PPARA: variants seen among roughly 807,000 people sequenced by gnomAD.
PPARA encodes the protein peroxisome proliferator-activated receptor alpha.
A neutral mutation model predicts 42.2 loss-of-function variants in PPARA; 22 were observed. The ratio of observed to expected loss-of-function variants is 0.52; its 90% CI spans 0.37 to 0.74. PPARA has a LOEUF of 0.74. Ranked by LOEUF, PPARA falls within the 30% of genes least tolerant of loss-of-function variation. The pLI, the probability that PPARA is intolerant of heterozygous loss-of-function variation, is 0.00. For missense variants in PPARA, 465 were observed against 608.2 expected (o/e 0.76, Z 2.48); for synonymous variants, 242 against 239.3 (o/e 1.01, Z -0.10).
intron 2 of PPARA, among the ~76,000 whole-genome samples, chr22:46,174,266 G>GAAGGAAGGAAGGAAGA (rs1555935220): frequency 3.1e-5 from 2 of 64,700 alleles, no homozygotes; most frequent in Admixed American, 2.1e-4. Flanking sequence ...AGGAAGGAAG[G>GAAGGAAGGAAGGAAGA]AAGGAAGGAA....
chr22:46,180,673 G>A lies in PPARA; in HGVS notation c.-43+3837G>A, dbSNP rs1377465322. On this transcript the variant is annotated intron_variant, in intron 3 of 8. Coordinates refer to ENST00000407236, the MANE Select transcript of PPARA (RefSeq NM_005036.6). The surrounding 1 kb of genome is among the most constrained non-coding windows in gnomAD (Gnocchi z 4.2). ...TTTCCTGCCTCAAGATGCGTAAAAG[G>A]TACTTGCCTTCTTTGTTTGGTGCTC... 2.0e-5 allele frequency among the ~76,000 whole-genome samples: 3 copies of A among 152,258 alleles called. No individual in the cohort carries two copies. In the East Asian group the frequency reaches 5.8e-4, roughly 29 times the overall value.
Position 46,219,343 on chromosome 22 carries a change from C to T in PPARA, c.509-469C>T, listed in dbSNP as rs1196006319. On this transcript the variant is annotated intron_variant, in intron 6 of 8. Coordinates refer to ENST00000407236, the MANE Select transcript of PPARA (RefSeq NM_005036.6). This position sits in a 1 kb window ranked among gnomAD's most constrained non-coding sequence, Gnocchi z 4.8. ...AGGGTGTACCACCTCAAACATCTCACCACGTTATGAATTTCCTTCTAGCCA... is the reference window on the plus strand; with the variant it reads ...AGGGTGTACCACCTCAAACATCTCATCACGTTATGAATTTCCTTCTAGCCA... Among the ~76,000 whole-genome samples the T allele has an allele frequency of 6.6e-6, 1 of 152,166 alleles. No individual in the cohort carries two copies. Among genetic ancestry groups the T allele is most frequent in the Non-Finnish European group, 1.5e-5 (1 of 68,028 alleles).
chr22:46,174,219 G>A (rs557068875), intron 2 of PPARA, among the ~76,000 whole-genome samples: 37 of 9,186 alleles, frequency 4.0e-3, no homozygotes, highest in East Asian at 0.018. Flanking sequence ...AGAGAGAGAG[G>A]GAGAAAGAAA....
In PPARA at chr22:46,171,893, T is replaced by G. The variant is rs891153210; in HGVS notation, c.-126-4860T>G. On this transcript the variant is annotated intron_variant, in intron 2 of 8. Coordinates refer to ENST00000407236, the MANE Select transcript of PPARA (RefSeq NM_005036.6). This position sits in a 1 kb window ranked among gnomAD's most constrained non-coding sequence, Gnocchi z 5.0. ...CTGATCTAGCTGCTAAAAAGCCCCC[T>G]TGGGCAGCTTGCAGGGCCCGGGCAG... is the stretch of plus-strand genomic sequence containing the variant. 1.3e-5 allele frequency among the ~76,000 whole-genome samples: 2 copies of G among 152,096 alleles called. No homozygotes were observed. Among genetic ancestry groups the G allele is most frequent in the South Asian group, 4.1e-4 (2 of 4,826 alleles).
rs139836764 is a variant in PPARA, at chr22:46,213,248, T to G, written c.209-1925T>G. ...TCAGTTTTGTGGATTTTAGTCATCC[T>G]AGTAGGTGTGTGGTGACACCACATT... On this transcript the variant is annotated intron_variant, in intron 4 of 8. Coordinates refer to ENST00000407236, the MANE Select transcript of PPARA (RefSeq NM_005036.6). Among the ~76,000 whole-genome samples, 136 of 152,290 alleles carry G rather than the reference T, an allele frequency of 8.9e-4. 2 individuals are homozygous for G. Among genetic ancestry groups the G allele is most frequent in the African/African-American group, 3.2e-3 (134 of 41,566 alleles).
At chr22:46,194,524 C>T (rs2147350487) in intron 3 of PPARA, among the ~76,000 whole-genome samples, 1 of 151,414 alleles carries the variant, frequency 6.6e-6, no homozygotes, top group Middle Eastern at 3.4e-3. Flanking sequence ...GAGGTGGCCA[C>T]AGCCCATCCA....
Position 46,162,219 on chromosome 22 carries a change from G to A in PPARA, c.-127+10249G>A, listed in dbSNP as rs1238941527. ...TTTCTCTGGATTGCTGCACCTGGCAGGTAGTGTGAGCTTGGTAGGTGCTTC... is the reference window on the plus strand; with the variant it reads ...TTTCTCTGGATTGCTGCACCTGGCAAGTAGTGTGAGCTTGGTAGGTGCTTC... On this transcript the variant is annotated intron_variant, in intron 2 of 8. Transcript: ENST00000407236. This position sits in a 1 kb window ranked among gnomAD's most constrained non-coding sequence, Gnocchi z 6.0. Among the ~76,000 whole-genome samples, 1 of 152,184 alleles carries A rather than the reference G, an allele frequency of 6.6e-6. No homozygotes were observed. The highest frequency in any genetic ancestry group is 1.5e-5 in the Non-Finnish European group (1 of 68,028).
At position 46,219,223 on chromosome 22, in the gene PPARA, C is replaced by T. The variant is rs1416173394; in HGVS notation, c.509-589C>T. 2.0e-5 allele frequency among the ~76,000 whole-genome samples: 3 copies of T among 152,092 alleles called. No homozygotes were observed. Among genetic ancestry groups the T allele is most frequent in the South Asian group, 4.1e-4 (2 of 4,826 alleles). The stretch of plus-strand genomic sequence containing the variant: ...CTGAGATTCAGTGGTGCATTGGACT[C>T]GCTGTTAGAAACTTCAGTGGTAAGA... On this transcript the variant is annotated intron_variant, in intron 6 of 8. Coordinates refer to ENST00000407236, the MANE Select transcript of PPARA (RefSeq NM_005036.6). This position sits in a 1 kb window ranked among gnomAD's most constrained non-coding sequence, Gnocchi z 4.8.
Position 46,198,589 on chromosome 22 carries a change from C to A in PPARA, c.206C>A (p.Thr69Lys). 6.2e-7 allele frequency: 1 copy of A among 1,611,522 alleles called. No homozygotes were observed. Among genetic ancestry groups the A allele is most frequent in the Non-Finnish European group, 8.5e-7 (1 of 1,178,634 alleles). Residue 69 changes from threonine to lysine, a missense_variant and splice_region_variant, in exon 4 of 9, where the codon ACG becomes AAG. By Grantham distance (78) the Thr-to-Lys change is moderately conservative. Coordinates refer to ENST00000407236, the MANE Select transcript of PPARA (RefSeq NM_005036.6). ...CCTGGCTCAGATGGCTCGGTCATCA[C>A]GGGTAAGTGTGCCGTTTCCTAGAAA... ...SCPGSDGSVI[T>K]DTLSPASSPS...
At chr22:46,226,123 CCA>C (rs1214523060) in intron 7 of PPARA, among the ~76,000 whole-genome samples, 4 of 151,572 alleles carry the variant, frequency 2.6e-5, no homozygotes, top group African/African-American at 9.7e-5. Flanking sequence ...ACACATGTAC[CCA>C]CACACGTACC....
rs1931482086 is a variant in PPARA, at chr22:46,191,126, T to C, written c.-42-7216T>C. Among the ~76,000 whole-genome samples, 1 of 151,850 alleles carries C rather than the reference T, an allele frequency of 6.6e-6. No homozygotes were observed. Among genetic ancestry groups the C allele is most frequent in the South Asian group, 2.1e-4 (1 of 4,810 alleles). ...GAGAATCGCTTGAACCCGGGAGGCG[T>C]GGGGTTGCAGTGAGCCGAGATTGCA... On this transcript the variant is annotated intron_variant, in intron 3 of 8. Coordinates refer to ENST00000407236, the MANE Select transcript of PPARA (RefSeq NM_005036.6). The surrounding 1 kb of genome is among the most constrained non-coding windows in gnomAD (Gnocchi z 4.6).
intron 4 of PPARA, among the ~76,000 whole-genome samples, chr22:46,202,115 T>C (rs553215847): frequency 1.3e-5 from 2 of 152,136 alleles, no homozygotes; most frequent in East Asian, 3.9e-4. Context: ...CTCTGGAAAG[T>C]TCTTTCCTGG....
rs1042240043 is a variant in PPARA at position 46,203,826 on chromosome 22, G to A, written c.208+5235G>A. Among the ~76,000 whole-genome samples the A allele has an allele frequency of 1.3e-5, 2 of 152,178 alleles. No homozygotes were observed. The highest frequency in any genetic ancestry group is 2.9e-5 in the Non-Finnish European group (2 of 68,026). ...TCCCCGTCCCTTGCGGGCCTGTCCA[G>A]ACAAGGGAACCCTGGGCAGGTTCCC... On this transcript the variant is annotated intron_variant, in intron 4 of 8. Coordinates refer to ENST00000407236, the MANE Select transcript of PPARA (RefSeq NM_005036.6). The surrounding 1 kb of genome is among the most constrained non-coding windows in gnomAD (Gnocchi z 5.8).
chr22:46,183,528 G>T lies in PPARA; in HGVS notation c.-43+6692G>T, dbSNP rs559369455. Among the ~76,000 whole-genome samples the T allele has an allele frequency of 7.4e-4, 113 of 152,358 alleles. 2 individuals carry two copies. The Middle Eastern group carries it at 0.027, about 37-fold the overall frequency. On this transcript the variant is annotated intron_variant, in intron 3 of 8. Coordinates refer to ENST00000407236, the MANE Select transcript of PPARA (RefSeq NM_005036.6). The surrounding 1 kb of genome is among the most constrained non-coding windows in gnomAD (Gnocchi z 5.5). ...GGGCCCAGGAGGGCAGATCACTTGA[G>T]TTCAGGAGTTTGAGACCAGCCTGGG...
chr22:46,221,466 G>T lies in PPARA; in HGVS notation c.711+1452G>T, dbSNP rs145526536. Among the ~76,000 whole-genome samples, 1 of 152,054 alleles carries T rather than the reference G, an allele frequency of 6.6e-6. No homozygotes were observed. The highest frequency in any genetic ancestry group is 1.5e-5 in the Non-Finnish European group (1 of 68,020). On this transcript the variant is annotated intron_variant, in intron 7 of 8. Coordinates refer to ENST00000407236, the MANE Select transcript of PPARA (RefSeq NM_005036.6). The surrounding 1 kb of genome is among the most constrained non-coding windows in gnomAD (Gnocchi z 5.9). ...ACAAACATGCCTACATTCTTTTTCCGCCTTCAGTGAAAAGACAGTGACATC... is the reference window on the plus strand; with the variant it reads ...ACAAACATGCCTACATTCTTTTTCCTCCTTCAGTGAAAAGACAGTGACATC...
rs779240325 is a variant in PPARA, at chr22:46,211,339, G to A, written c.209-3834G>A. On this transcript the variant is annotated intron_variant, in intron 4 of 8. Transcript: ENST00000407236. This position sits in a 1 kb window ranked among gnomAD's most constrained non-coding sequence, Gnocchi z 4.1. Reference sequence around the variant, plus strand: ...TCATTTTCAGTATACCTGCACAGTGGTATCAGAACTGTTAACCCACACCCT... The same window carrying A: ...TCATTTTCAGTATACCTGCACAGTGATATCAGAACTGTTAACCCACACCCT... Among the ~76,000 whole-genome samples the A allele has an allele frequency of 1.3e-5, 2 of 152,110 alleles. No homozygotes were observed. The highest frequency in any genetic ancestry group is 2.9e-5 in the Non-Finnish European group (2 of 68,014).
intron 1 of PPARA, among the ~76,000 whole-genome samples, chr22:46,151,415 TGC>T: frequency 6.6e-6 from 1 of 152,240 alleles, no homozygotes; most frequent in African/African-American, 2.4e-5. Context: ...GCCCGCGTGG[TGC>T]GGGTGAAGCT....
Position 46,161,425 on chromosome 22 carries a change from T to C in PPARA, c.-127+9455T>C. On this transcript the variant is annotated intron_variant, in intron 2 of 8. Coordinates refer to ENST00000407236, the MANE Select transcript of PPARA (RefSeq NM_005036.6). This position sits in a 1 kb window ranked among gnomAD's most constrained non-coding sequence, Gnocchi z 4.8. ...GGCCAACATGGTGAAACCCCGTCTCTACTAAAAATACAAAATTTAGCTGGG... is the reference window on the plus strand; with the variant it reads ...GGCCAACATGGTGAAACCCCGTCTCCACTAAAAATACAAAATTTAGCTGGG... 6.6e-6 allele frequency among the ~76,000 whole-genome samples: 1 copy of C among 152,026 alleles called. No homozygotes were observed. Among genetic ancestry groups the C allele is most frequent in the Non-Finnish European group, 1.5e-5 (1 of 67,996 alleles).
chr22:46,194,854 G>T (rs911739929), intron 3 of PPARA, among the ~76,000 whole-genome samples: 2 of 148,302 alleles, frequency 1.3e-5, no homozygotes, highest in African/African-American at 5.0e-5. Flanking sequence ...GATTACAGGT[G>T]CGAGCCACCA....
Sources: allele counts gnomAD v4.1 joint callset (sites outside exome capture counted in the v4.1 genomes callset), GRCh38; gene constraint gnomAD v4.1.1; non-coding constraint Gnocchi (gnomAD v3.1); transcripts MANE v1.5; gene names NCBI Gene and HGNC (gene_info 2026-07-23, HGNC 2026-07-21).